Variants in RTN4RL1 observed in about 807,000 individuals in gnomAD.
The protein encoded by RTN4RL1 is reticulon-4 receptor-like 1.
A neutral mutation model predicts 25.6 loss-of-function variants in RTN4RL1; 7 were observed. That is an observed-to-expected ratio of 0.27 (90% confidence interval 0.16 to 0.51). The LOEUF is 0.51. Ranked by LOEUF, RTN4RL1 falls within the 20% of genes least tolerant of loss-of-function variation. The pLI, the probability that RTN4RL1 is intolerant of heterozygous loss-of-function variation, is 0.97. For synonymous variants in RTN4RL1, 297 were observed against 288.2 expected (o/e 1.03, Z -0.31); for missense variants, 500 against 615.6 (o/e 0.81, Z 1.99).
chr17:1,964,298 A>T (rs986957928), intron 1 of RTN4RL1, among the ~76,000 whole-genome samples: 6 of 152,244 alleles, frequency 3.9e-5, no homozygotes, highest in Non-Finnish European at 8.8e-5. Flanking sequence ...AAATATAAAA[A>T]TATTTTAGGC....
chr17:1,960,460 C>T (rs1358620150), intron 1 of RTN4RL1, among the ~76,000 whole-genome samples: 9 of 152,222 alleles, frequency 5.9e-5, no homozygotes, highest in Non-Finnish European at 1.2e-4. Flanking sequence ...CCCCGTCCTG[C>T]GCCACTCTTC....
At chr17:1,975,575 C>T (rs905975288) in intron 1 of RTN4RL1, among the ~76,000 whole-genome samples, 3 of 152,024 alleles carry the variant, frequency 2.0e-5, no homozygotes, top group African/African-American at 7.2e-5. Flanking sequence ...CGCTTGAACC[C>T]GGGAGGTGGA....
At chr17:2,009,278 G>C (rs1166341388) in intron 1 of RTN4RL1, among the ~76,000 whole-genome samples, 2 of 152,118 alleles carry the variant, frequency 1.3e-5, no homozygotes, top group African/African-American at 2.4e-5. Context: ...TGGTCAACAA[G>C]GGGAAACCCT....
chr17:2,015,253 C>A (rs1326309833), intron 1 of RTN4RL1, among the ~76,000 whole-genome samples: 1 of 152,068 alleles, frequency 6.6e-6, no homozygotes, highest in African/African-American at 2.4e-5. Context: ...GGCTGGAGAG[C>A]AATGGTGCCA....
At chr17:1,957,825 T>C (rs11653022) in intron 1 of RTN4RL1, among the ~76,000 whole-genome samples, 5 of 143,376 alleles carry the variant, frequency 3.5e-5, no homozygotes, top group East Asian at 2.1e-4. Context: ...GCCTGGGCAA[T>C]AGAGTGAGAC....
At chr17:2,023,925 G>A (rs1231312933) in intron 1 of RTN4RL1, among the ~76,000 whole-genome samples, 1 of 148,642 alleles carries the variant, frequency 6.7e-6, no homozygotes, top group Non-Finnish European at 1.5e-5. Flanking sequence ...CGGGCCAGGC[G>A]CGGGGGGGAT....
At chr17:1,977,998 G>A (rs1365163800) in intron 1 of RTN4RL1, among the ~76,000 whole-genome samples, 1 of 150,248 alleles carries the variant, frequency 6.7e-6, no homozygotes, top group Non-Finnish European at 1.5e-5. Flanking sequence ...CTTGCACCCC[G>A]GATCCCGCAC....
At chr17:2,016,616 T>C (rs1344354627) in intron 1 of RTN4RL1, among the ~76,000 whole-genome samples, 2 of 152,212 alleles carry the variant, frequency 1.3e-5, no homozygotes, top group African/African-American at 4.8e-5. Context: ...CATACAGGGC[T>C]GCGGTGAGAG....
chr17:1,969,058 C>CTTTTTTTT (rs566553225), intron 1 of RTN4RL1, among the ~76,000 whole-genome samples: 2,780 of 103,784 alleles, frequency 0.027, 129 homozygotes, highest in Admixed American at 0.056. Flanking sequence ...ACCACTGTCC[C>CTTTTTTTT]TTTTTTTTTT....
chr17:2,024,928 C>T lies in RTN4RL1; in HGVS notation c.-63G>A. ...CGCACTCCCTCCCGGGGTCCAGATTCAAATCCCTGGGCGCCAGCTGCAGCT... is the reference window on the plus strand; with the variant it reads ...CGCACTCCCTCCCGGGGTCCAGATTTAAATCCCTGGGCGCCAGCTGCAGCT... On this transcript the variant is annotated 5_prime_UTR_variant, in exon 1 of 2. It removes the in-frame stop codon of an upstream open reading frame in the 5' UTR. Coordinates refer to ENST00000331238, the MANE Select transcript of RTN4RL1 (RefSeq NM_178568.4). The T allele has an allele frequency of 2.0e-6, 3 of 1,523,998 alleles. No homozygotes were observed. The highest frequency in any genetic ancestry group is 1.8e-6 in the Non-Finnish European group (2 of 1,128,374). 94.4% of individuals were successfully genotyped at this position (1,523,998 alleles called of 1,614,324 possible).
In RTN4RL1 at chr17:1,961,371, G is replaced by A. The variant is rs1423303541; in HGVS notation, c.14-23563C>T. On this transcript the variant is annotated intron_variant, in intron 1 of 1. Transcript: ENST00000331238. The stretch of plus-strand genomic sequence containing the variant: ...CCAGGCAGAAGGAACCGCATGGGCG[G>A]AGGCCTGGAGGCGCGAGAGAGGGAG... Among the ~76,000 whole-genome samples the A allele has an allele frequency of 2.0e-5, 3 of 152,218 alleles. No individual in the cohort carries two copies. In the East Asian group the frequency reaches 5.8e-4, roughly 29 times the overall value.
Position 1,937,138 on chromosome 17 carries a change from G to T in RTN4RL1, c.684C>A (p.Leu228=). The part of the protein sequence containing the change: ...HDLRRLTTLF[L]FNNSLSELQG... The stretch of plus-strand genomic sequence containing the variant: ...GCAGCTCCGAGAGGCTGTTGTTGAA[G>T]AGGAAGAGGGTGGTCAGCCTGCGGA... The change falls in exon 2 of 2, where the codon CTC becomes CTA. Residue 228 remains leucine, a synonymous_variant. Transcript: ENST00000331238. The T allele has an allele frequency of 6.2e-7, 1 of 1,611,414 alleles. No homozygotes were observed. The highest frequency in any genetic ancestry group is 1.7e-5 in the Admixed American group (1 of 59,752).
intron 1 of RTN4RL1, among the ~76,000 whole-genome samples, chr17:1,971,304 C>T (rs561518886): frequency 6.6e-6 from 1 of 152,310 alleles, no homozygotes; most frequent in South Asian, 2.1e-4. Context: ...CCCCTTCCGC[C>T]ATGATTGTAA....
intron 1 of RTN4RL1, among the ~76,000 whole-genome samples, chr17:1,950,383 G>A (rs1469487063): frequency 6.6e-6 from 1 of 152,172 alleles, no homozygotes; most frequent in African/African-American, 2.4e-5. Context: ...TATGAGACTG[G>A]AGGAATAAAA....
At chr17:1,982,456 C>CA (rs1210431030) in intron 1 of RTN4RL1, among the ~76,000 whole-genome samples, 71 of 150,886 alleles carry the variant, frequency 4.7e-4, no homozygotes, top group African/African-American at 1.6e-3. Context: ...ACTATAAATA[C>CA]AAAAAAAAAT....
rs541792852 is a variant in RTN4RL1, at chr17:1,944,775, G to A, written c.14-6967C>T. Among the ~76,000 whole-genome samples, 4 of 152,042 alleles carry A rather than the reference G, an allele frequency of 2.6e-5. No individual in the cohort carries two copies. The South Asian group carries it at 8.3e-4, about 32-fold the overall frequency. On this transcript the variant is annotated intron_variant, in intron 1 of 1. Transcript: ENST00000331238. Reference sequence around the variant, plus strand: ...CCCGGCCAACTTCAAAATGTATTACGCAACTACCCACTTCTCATGGCCACC... The same window carrying A: ...CCCGGCCAACTTCAAAATGTATTACACAACTACCCACTTCTCATGGCCACC...
chr17:1,960,277 C>A (rs902541107), intron 1 of RTN4RL1, among the ~76,000 whole-genome samples: 2 of 150,670 alleles, frequency 1.3e-5, no homozygotes, highest in African/African-American at 4.9e-5. Context: ...TATATTGCAG[C>A]CCCATCACCA....
At chr17:1,966,605 C>T (rs1303756965) in intron 1 of RTN4RL1, among the ~76,000 whole-genome samples, 2 of 152,110 alleles carry the variant, frequency 1.3e-5, no homozygotes, top group Non-Finnish European at 2.9e-5. Flanking sequence ...AGGGCAGTCT[C>T]TGTCTTGGGG....
At chr17:1,946,876 GTGTCTC>G (rs1417567475) in intron 1 of RTN4RL1, among the ~76,000 whole-genome samples, 1 of 127,868 alleles carries the variant, frequency 7.8e-6, no homozygotes, top group Non-Finnish European at 1.7e-5. Flanking sequence ...ACGTGTGTCT[GTGTCTC>G]TGTGTGTGCA....
Sources: allele counts gnomAD v4.1 joint callset (sites outside exome capture counted in the v4.1 genomes callset), GRCh38; gene constraint gnomAD v4.1.1; transcripts MANE v1.5; gene names NCBI Gene and HGNC (gene_info 2026-07-23, HGNC 2026-07-21).